Variants in ANKS1B observed in about 807,000 individuals in gnomAD.
ANKS1B encodes the protein ankyrin repeat and sterile alpha motif domain-containing protein 1B.
A neutral mutation model predicts 148.3 loss-of-function variants in ANKS1B; 36 were observed. The ratio of observed to expected loss-of-function variants is 0.24; its 90% CI spans 0.19 to 0.32. The LOEUF (loss-of-function observed/expected upper bound fraction) is 0.32. ANKS1B is among the 10% of genes least tolerant of loss of function. The pLI is 1.00. For missense variants in ANKS1B, 1,157 were observed against 1,542.6 expected (o/e 0.75, Z 4.19); for synonymous variants, 542 against 560.8 (o/e 0.97, Z 0.47).
At chr12:99,926,347 C>T (rs1484156666) in intron 1 of ANKS1B, among the ~76,000 whole-genome samples, 2 of 152,178 alleles carry the variant, frequency 1.3e-5, no homozygotes, top group African/African-American at 4.8e-5. Context: ...GTGTTTAAAT[C>T]GGTAGACTGA....
chr12:99,563,227 G>T (rs992774023), intron 9 of ANKS1B, among the ~76,000 whole-genome samples: 13 of 152,090 alleles, frequency 8.5e-5, no homozygotes, highest in Non-Finnish European at 2.9e-5. Context: ...TTTTCTTCAA[G>T]AACTTTTCCT....
rs539082416 is a variant in ANKS1B, at chr12:99,435,383, A to G, written c.1575+8290T>C. On this transcript the variant is annotated intron_variant, in intron 11 of 26. Transcript: ENST00000683438. Reference sequence around the variant, plus strand: ...CCAACATCTTCTTAAGTAGGTTCCAATGATTTAGGGAACTTTAAAAGGTTC... The same window carrying G: ...CCAACATCTTCTTAAGTAGGTTCCAGTGATTTAGGGAACTTTAAAAGGTTC... Among the ~76,000 whole-genome samples the G allele has an allele frequency of 7.9e-5, 12 of 152,222 alleles. No homozygotes were observed. The South Asian group carries it at 1.7e-3, about 21-fold the overall frequency.
intron 1 of ANKS1B, among the ~76,000 whole-genome samples, chr12:99,924,992 C>G (rs1393965571): frequency 1.3e-5 from 2 of 152,008 alleles, no homozygotes; most frequent in Non-Finnish European, 2.9e-5. Flanking sequence ...AGATTCACTC[C>G]ATGAGAACAC....
chr12:98,823,876 A>G lies in ANKS1B; in HGVS notation c.3066+5298T>C, dbSNP rs926655699. Among the ~76,000 whole-genome samples, 10 of 152,346 alleles carry G rather than the reference A, an allele frequency of 6.6e-5. No individual in the cohort carries two copies. The South Asian group carries it at 2.1e-3, about 32-fold the overall frequency. On this transcript the variant is annotated intron_variant, in intron 19 of 26. Coordinates refer to ENST00000683438, the MANE Select transcript of ANKS1B (RefSeq NM_001352186.2). ...ATTCTGTAAATTCCAGTAATGCCAG[A>G]GCAGTGGGTAGAATTTCTGGGAACA...
chr12:98,766,329 T>C (rs2098480087), intron 25 of ANKS1B, among the ~76,000 whole-genome samples: 1 of 152,216 alleles, frequency 6.6e-6, no homozygotes, highest in Non-Finnish European at 1.5e-5. Context: ...TGCTGTCTTT[T>C]TTATTCCATC....
At chr12:99,027,601 G>A (rs2099949513) in intron 17 of ANKS1B, among the ~76,000 whole-genome samples, 2 of 152,216 alleles carry the variant, frequency 1.3e-5, no homozygotes, top group South Asian at 4.1e-4. Flanking sequence ...AAATTAAAGA[G>A]GTTGTCAACT....
chr12:99,686,044 T>C (rs1350768644), intron 8 of ANKS1B, among the ~76,000 whole-genome samples: 2 of 152,076 alleles, frequency 1.3e-5, no homozygotes, highest in African/African-American at 2.4e-5. Context: ...GTTTGGATGA[T>C]AGGTGCACCA....
chr12:99,535,132 T>C (rs1421694252), intron 9 of ANKS1B, among the ~76,000 whole-genome samples: 1 of 152,214 alleles, frequency 6.6e-6, no homozygotes, highest in Non-Finnish European at 1.5e-5. Context: ...TGCAAAAAGC[T>C]TAAGAAACTT....
chr12:98,940,370 G>T (rs189983172), intron 17 of ANKS1B, among the ~76,000 whole-genome samples: 21 of 152,262 alleles, frequency 1.4e-4, no homozygotes, highest in Non-Finnish European at 1.5e-4. Context: ...TGTGAGGAGG[G>T]GGGTGCAGAG....
chr12:99,250,980 G>A (rs187227282), intron 12 of ANKS1B, among the ~76,000 whole-genome samples: 17 of 152,262 alleles, frequency 1.1e-4, no homozygotes, highest in African/African-American at 4.1e-4. Flanking sequence ...GGTGTCAGGA[G>A]AGGGTTAATT....
chr12:99,273,557 CT>C (rs745470936), intron 12 of ANKS1B, among the ~76,000 whole-genome samples: 296 of 111,068 alleles, frequency 2.7e-3, no homozygotes, highest in African/African-American at 4.9e-3. Context: ...TTATCAGATT[CT>C]TTTTTTTTTT....
chr12:99,296,151 T>C (rs2154014564), intron 12 of ANKS1B, among the ~76,000 whole-genome samples: 1 of 152,350 alleles, frequency 6.6e-6, no homozygotes, highest in South Asian at 2.1e-4. Flanking sequence ...CATATAAATG[T>C]GGATCTGTTT....
intron 1 of ANKS1B, among the ~76,000 whole-genome samples, chr12:99,880,374 A>C (rs1338299755): frequency 6.6e-6 from 1 of 152,222 alleles, no homozygotes. Flanking sequence ...TTCAATCTGA[A>C]GAAATCTGGT....
intron 17 of ANKS1B, among the ~76,000 whole-genome samples, chr12:98,888,199 G>C (rs2099744553): frequency 6.6e-6 from 1 of 152,170 alleles, no homozygotes; most frequent in Non-Finnish European, 1.5e-5. Flanking sequence ...CAAATGCCAA[G>C]ATAGTAACAG....
chr12:98,791,370 A>G (rs1214236352), intron 22 of ANKS1B, among the ~76,000 whole-genome samples: 2 of 151,962 alleles, frequency 1.3e-5, no homozygotes, highest in South Asian at 2.1e-4. Context: ...TGGGAAAGGC[A>G]CATGTGAGCA....
intron 15 of ANKS1B, among the ~76,000 whole-genome samples, chr12:99,121,722 G>A (rs979651410): frequency 2.0e-5 from 3 of 152,066 alleles, no homozygotes; most frequent in African/African-American, 7.2e-5. Context: ...TGTTGCTAAG[G>A]GCCATCAAGA....
chr12:99,034,461 G>A (rs928964351), intron 17 of ANKS1B, among the ~76,000 whole-genome samples: 4 of 152,108 alleles, frequency 2.6e-5, no homozygotes, highest in East Asian at 1.9e-4. Context: ...GACCATAGGC[G>A]TGTGCAACCA....
At chr12:99,356,145 T>G (rs1592975369) in intron 12 of ANKS1B, among the ~76,000 whole-genome samples, 1 of 152,092 alleles carries the variant, frequency 6.6e-6, no homozygotes, top group African/African-American at 2.4e-5. Flanking sequence ...ACTCTAGAAC[T>G]GATATAGATG....
chr12:98,818,520 G>T (rs2153654881), intron 19 of ANKS1B, among the ~76,000 whole-genome samples: 1 of 152,254 alleles, frequency 6.6e-6, no homozygotes, highest in South Asian at 2.1e-4. Context: ...GGGAATTTGA[G>T]TCAATTGGGA....
Sources: gnomAD v4.1 joint callset for allele counts (sites outside exome capture counted in the v4.1 genomes callset) on GRCh38, gnomAD v4.1.1 for gene constraint, MANE v1.5 for transcripts, NCBI Gene and HGNC (gene_info 2026-07-23, HGNC 2026-07-21) for gene names.